SEMA7A: variants seen among roughly 807,000 people sequenced by gnomAD.
SEMA7A encodes semaphorin 7A (JohnMiltonHagen blood group), also known as semaphorin-7A.
In SEMA7A, 21 loss-of-function variants were observed where a neutral mutation model predicts 67.5. That is an observed-to-expected ratio of 0.31 (90% CI 0.22 to 0.45). SEMA7A has a LOEUF of 0.45. SEMA7A is among the 20% of genes least tolerant of loss of function. SEMA7A has a pLI of 1.00. For synonymous variants in SEMA7A, 364 were observed against 368.5 expected (o/e 0.99, Z 0.14); for missense variants, 774 against 908.6 (o/e 0.85, Z 1.90).
chr15:74,418,206 T>C lies in SEMA7A; in HGVS notation c.372+62A>G, dbSNP rs1327567380. The C allele has an allele frequency of 4.6e-6, 7 of 1,531,596 alleles. No individual in the cohort carries two copies. In the Admixed American group the frequency reaches 8.4e-5, roughly 18 times the overall value. 94.9% of individuals were successfully genotyped at this position (1,531,596 alleles called of 1,614,324 possible). On this transcript the variant is annotated intron_variant, in intron 3 of 13. Coordinates refer to ENST00000261918, the MANE Select transcript of SEMA7A (RefSeq NM_003612.5). ...GGGCCATGCTTCCTTCCTTAGACCCTCAGGGTCTCCTCTCCCTTTACCAAG... is the reference window on the plus strand; with the variant it reads ...GGGCCATGCTTCCTTCCTTAGACCCCCAGGGTCTCCTCTCCCTTTACCAAG...
chr15:74,417,541 G>A, intron 5 of SEMA7A, 50 bp downstream of exon 5: 1 of 1,588,772 alleles, frequency 6.3e-7, no homozygotes, highest in Non-Finnish European at 8.6e-7. Context: ...TCCTCTCCCA[G>A]CCCAGTTCAG....
chr15:74,431,775 G>A (rs1315724246), intron 1 of SEMA7A, among the ~76,000 whole-genome samples: 3 of 150,994 alleles, frequency 2.0e-5, no homozygotes, highest in Non-Finnish European at 3.0e-5. Flanking sequence ...TGGGGGGCAG[G>A]TGAATGGCAG....
At chr15:74,425,491 T>C (rs1008473564) in intron 1 of SEMA7A, among the ~76,000 whole-genome samples, 1 of 152,104 alleles carries the variant, frequency 6.6e-6, no homozygotes, top group Non-Finnish European at 1.5e-5. Flanking sequence ...GCTTCCAAGG[T>C]CAGCCCTTCC....
rs552420806 is a variant in SEMA7A at position 74,416,320 on chromosome 15, C to A, written c.801+255G>T. On this transcript the variant is annotated intron_variant, in intron 7 of 13. Transcript: ENST00000261918. ...GCACAGCACATTCACACAGGCAAAA[C>A]ACACACACACACACACACACACCCC... Among the ~76,000 whole-genome samples the A allele has an allele frequency of 2.7e-5, 4 of 145,668 alleles. No homozygotes were observed. In the South Asian group the frequency reaches 8.6e-4, roughly 31 times the overall value.
chr15:74,411,539 G>A lies in SEMA7A; in HGVS notation c.1577+17C>T. The A allele has an allele frequency of 6.5e-7, 1 of 1,546,086 alleles. No individual in the cohort carries two copies. The highest frequency in any genetic ancestry group is 1.9e-5 in the Admixed American group (1 of 51,898). The stretch of plus-strand genomic sequence containing the variant: ...TGCCCACCTTCTCCCAGGGACGAGG[G>A]ATCCCGGCCAACGTACCGTTCGGAG... On this transcript the variant is annotated intron_variant, in intron 12 of 13. Coordinates refer to ENST00000261918, the MANE Select transcript of SEMA7A (RefSeq NM_003612.5). The surrounding 1 kb of genome is among the most constrained non-coding windows in gnomAD (Gnocchi z 4.4).
At chr15:74,427,439 C>T in intron 1 of SEMA7A, 8 of 958,610 alleles carry the variant, frequency 8.3e-6, no homozygotes, top group Non-Finnish European at 8.7e-6. Context: ...GCCAGAGCTC[C>T]TGCCTCAGCC....
intron 1 of SEMA7A, among the ~76,000 whole-genome samples, chr15:74,419,428 C>G (rs8025655): frequency 0.49 from 74,341 of 152,018 alleles, 20,790 homozygotes; most frequent in Non-Finnish European, 0.62. Flanking sequence ...TCAAGCACCC[C>G]CCTTGGAGTC....
intron 1 of SEMA7A, among the ~76,000 whole-genome samples, chr15:74,422,286 T>C (rs1370555480): frequency 6.6e-6 from 1 of 151,828 alleles, no homozygotes. Context: ...CCATCCTGCT[T>C]GTCTAAAAGG....
chr15:74,433,786 G>C lies in SEMA7A; in HGVS notation c.133C>G (p.Gln45Glu). The C allele has an allele frequency of 7.0e-7, 1 of 1,433,264 alleles. No individual in the cohort carries two copies. The highest frequency in any genetic ancestry group is 3.1e-5 in the East Asian group (1 of 32,760). The allele number at this position is 1,433,264 out of a possible 1,614,324, so 88.8% of individuals were successfully genotyped here. A position where few individuals can be genotyped will look rare whatever the true frequency, so the allele number is the denominator to read the frequency against. ...CGGGGTCCGCTCCTTAGGTGGCCCT[G>C]GGCGGAGGCGGCGGCCGCCCAGAGC... Reference protein sequence around the residue: ...LLLWAAAASAQGHLRSGPRIF... With the variant: ...LLLWAAAASAEGHLRSGPRIF... Residue 45 changes from glutamine to glutamate, a missense_variant, in exon 1 of 14, where the codon CAG (glutamine) becomes GAG (glutamate). Gln to Glu is a conservative substitution (Grantham distance 29, BLOSUM62 2). This residue lies in a region of SEMA7A where 347 missense variants were observed against 353.2 expected (regional missense o/e 0.98). Transcript: ENST00000261918.
chr15:74,420,449 C>T (rs1206346555), intron 1 of SEMA7A, among the ~76,000 whole-genome samples: 1 of 152,202 alleles, frequency 6.6e-6, no homozygotes, highest in South Asian at 2.1e-4. Context: ...GAGAGAAGTG[C>T]TGAGCTCACT....
chr15:74,410,936 G>A lies in SEMA7A; in HGVS notation c.1689C>T (p.Tyr563=), dbSNP rs780111604. Reference sequence around the variant, plus strand: ...GGCGGGATTCCATGGGGCAGCTCAGGTAGTAGCGAGAGTTTGGGGCCAGGG... The same window carrying A: ...GGCGGGATTCCATGGGGCAGCTCAGATAGTAGCGAGAGTTTGGGGCCAGGG... ...KVSLAPNSRY[Y]LSCPMESRHA... The change falls in exon 14 of 14, where the codon TAC becomes TAT. Residue 563 remains tyrosine, a synonymous_variant. Transcript: ENST00000261918. The surrounding 1 kb of genome is among the most constrained non-coding windows in gnomAD (Gnocchi z 7.5). The A allele has an allele frequency of 9.3e-6, 15 of 1,614,058 alleles. No individual in the cohort carries two copies. The highest frequency in any genetic ancestry group is 2.2e-5 in the East Asian group (1 of 44,884).
intron 1 of SEMA7A, among the ~76,000 whole-genome samples, chr15:74,430,984 TC>T (rs35046312): frequency 9.2e-5 from 14 of 152,174 alleles, no homozygotes; most frequent in Non-Finnish European, 1.6e-4. Context: ...GGGTTCTGTT[TC>T]CCCATGGACA....
At chr15:74,415,355 C>T (rs1160831406) in intron 8 of SEMA7A, among the ~76,000 whole-genome samples, 3 of 152,160 alleles carry the variant, frequency 2.0e-5, no homozygotes, top group African/African-American at 7.2e-5. Flanking sequence ...CACTCTATCC[C>T]TAACTCTCCC....
intron 8 of SEMA7A, 105 bp from the exon 9 acceptor site, chr15:74,415,051 C>A: frequency 1.2e-6 from 1 of 864,470 alleles, no homozygotes; most frequent in Non-Finnish European, 1.9e-6. Context: ...CCAACCACCA[C>A]TGAAAATGGG....
In SEMA7A at chr15:74,410,299, T is replaced by A. The variant is rs1260147912; in HGVS notation, c.*325A>T. ...CTATCCAAACCCACTCCCCGACCCA[T>A]GGGCTCTTGGGCTGGGAGCATCGCT... On this transcript the variant is annotated 3_prime_UTR_variant, in exon 14 of 14. Coordinates refer to ENST00000261918, the MANE Select transcript of SEMA7A (RefSeq NM_003612.5). This position sits in a 1 kb window ranked among gnomAD's most constrained non-coding sequence, Gnocchi z 7.5. 1 of 303,958 alleles carries A rather than the reference T, an allele frequency of 3.3e-6. No individual in the cohort carries two copies. Among genetic ancestry groups the A allele is most frequent in the Non-Finnish European group, 6.0e-6 (1 of 165,562 alleles). 18.8% of individuals were successfully genotyped at this position (303,958 alleles called of 1,614,324 possible).
intron 2 of SEMA7A, 108 bp from the exon 3 acceptor site, chr15:74,418,417 C>A: frequency 9.1e-7 from 1 of 1,103,204 alleles, no homozygotes; most frequent in Non-Finnish European, 1.3e-6. Context: ...CCATTATTCT[C>A]ATCTGACAGA....
chr15:74,417,472 G>C lies in SEMA7A; in HGVS notation c.551-27C>G, dbSNP rs760579462. 4 of 1,601,768 alleles carry C rather than the reference G, an allele frequency of 2.5e-6. No homozygotes were observed. The South Asian group carries it at 4.4e-5, about 18-fold the overall frequency. On this transcript the variant is annotated intron_variant, in intron 5 of 13. Coordinates refer to ENST00000261918, the MANE Select transcript of SEMA7A (RefSeq NM_003612.5). ...TGGGGTCAGTGGGAGGGAGAAATGA[G>C]TAAGGGCAGGCAGCTCCTGGAAGTC...
In SEMA7A at chr15:74,411,479, C is replaced by T. The variant is rs762827980; in HGVS notation, c.1577+77G>A. The T allele has an allele frequency of 3.2e-5, 50 of 1,541,334 alleles. No homozygotes were observed. In the African/African-American group the frequency reaches 6.3e-4, roughly 19 times the overall value. On this transcript the variant is annotated intron_variant, in intron 12 of 13. Transcript: ENST00000261918. The surrounding 1 kb of genome is among the most constrained non-coding windows in gnomAD (Gnocchi z 4.4). ...CCACAAGAAAGGCCCAGTACCGCCA[C>T]CTCCTCCAGCCCGACAACACCTCCC...
At chr15:74,419,806 C>T (rs578161203) in intron 1 of SEMA7A, among the ~76,000 whole-genome samples, 86 of 152,344 alleles carry the variant, frequency 5.6e-4, no homozygotes, top group Non-Finnish European at 7.8e-4. Flanking sequence ...TCACAGAGCA[C>T]AGCCTGGGAC....
Sources: gnomAD v4.1 joint callset for allele counts (sites outside exome capture counted in the v4.1 genomes callset) on GRCh38, gnomAD v4.1.1 for gene constraint, gnomAD v4.1.1 regional missense constraint, Gnocchi (gnomAD v3.1) non-coding constraint, MANE v1.5 for transcripts, NCBI Gene and HGNC (gene_info 2026-07-23, HGNC 2026-07-21) for gene names.